Variants in MAP6 observed in about 807,000 individuals in gnomAD.
The protein encoded by MAP6 is microtubule associated protein 6.
In MAP6, 26 loss-of-function variants were observed where a neutral mutation model predicts 42.4. The observed-to-expected ratio is 0.61, with a 90% CI of 0.45 to 0.85. The LOEUF is 0.85. Among genes scored for constraint, MAP6 ranks in the 40% least tolerant of loss-of-function variants. The pLI is 0.00. For missense variants in MAP6, 966 were observed against 1,099.0 expected (o/e 0.88, Z 1.71); for synonymous variants, 418 against 443.8 (o/e 0.94, Z 0.73).
chr11:75,603,869 T>C, intron 3 of MAP6: 2 of 985,472 alleles, frequency 2.0e-6, no homozygotes, highest in Non-Finnish European at 2.4e-6. Context: ...GAAATCCAAA[T>C]TGTGGCTAGC....
At chr11:75,642,711 T>C in intron 1 of MAP6, 1 of 230,422 alleles carries the variant, frequency 4.3e-6, no homozygotes. Context: ...CTGTGGCAAA[T>C]GTTGCTACCC....
At chr11:75,613,578 T>A (rs1434924388) in intron 1 of MAP6, among the ~76,000 whole-genome samples, 3 of 152,266 alleles carry the variant, frequency 2.0e-5, no homozygotes, top group Admixed American at 1.3e-4. Context: ...TCTAACTGCA[T>A]CACCAAAGGC....
At chr11:75,658,872 A>T (rs1943795778) in intron 1 of MAP6, among the ~76,000 whole-genome samples, 1 of 152,122 alleles carries the variant, frequency 6.6e-6, no homozygotes, top group Non-Finnish European at 1.5e-5. Context: ...CTCTCTACTG[A>T]ATTTTCCCAA....
At chr11:75,595,557 T>C (rs1027150024) in intron 3 of MAP6, among the ~76,000 whole-genome samples, 1 of 152,174 alleles carries the variant, frequency 6.6e-6, no homozygotes, top group African/African-American at 2.4e-5. Flanking sequence ...CTGGAGTCTA[T>C]ACCTCCAATG....
intron 1 of MAP6, among the ~76,000 whole-genome samples, chr11:75,647,654 A>T (rs977425514): frequency 3.9e-5 from 6 of 152,212 alleles, no homozygotes; most frequent in African/African-American, 9.6e-5. Context: ...TTTGAAGAAT[A>T]TAAAAGAAGA....
intron 3 of MAP6, among the ~76,000 whole-genome samples, chr11:75,598,388 G>A (rs1942617205): frequency 1.3e-5 from 2 of 152,192 alleles, no homozygotes; most frequent in Non-Finnish European, 2.9e-5. Flanking sequence ...GCCCTGAACT[G>A]AGCAGGGAGT....
intron 3 of MAP6, among the ~76,000 whole-genome samples, chr11:75,591,704 C>G (rs1157953680): frequency 1.3e-5 from 2 of 152,224 alleles, no homozygotes; most frequent in South Asian, 2.1e-4. Context: ...CCAGCCTGTG[C>G]ACCCCGAAAG....
chr11:75,626,582 C>A (rs892818284), intron 1 of MAP6, among the ~76,000 whole-genome samples: 3 of 152,192 alleles, frequency 2.0e-5, no homozygotes, highest in Non-Finnish European at 4.4e-5. Context: ...CTTAGTGTCA[C>A]TTCTGCTAAT....
Position 75,667,973 on chromosome 11 carries a change from G to A in MAP6, c.397C>T (p.Pro133Ser). ...CTGCGCGGCCGGCAGCTGGGCTCGG[G>A]CCGCTGCACCTTCCAGGCTCGGTAA... ...QDYRAWKVQR[P>S]EPSCRPRSEY... Residue 133 changes from proline to serine, a missense_variant, in exon 1 of 4, where the codon CCC becomes TCC. By Grantham distance (74) the Pro-to-Ser change is moderately conservative. Around this residue, in one of 2 missense-constraint regions of MAP6, gnomAD observed 943 missense variants for 1,049.9 expected, o/e 0.90. Transcript: ENST00000304771. This position sits in a 1 kb window ranked among gnomAD's most constrained non-coding sequence, Gnocchi z 5.6. 1.5e-6 allele frequency: 2 copies of A among 1,302,886 alleles called. No homozygotes were observed. Among genetic ancestry groups the A allele is most frequent in the Non-Finnish European group, 2.0e-6 (2 of 1,021,356 alleles). The allele number at this position is 1,302,886 out of a possible 1,614,324, so 80.7% of individuals were successfully genotyped here. A position where few individuals can be genotyped will look rare whatever the true frequency, so the allele number is the denominator to read the frequency against.
chr11:75,610,051 C>G (rs1942863391), intron 1 of MAP6, among the ~76,000 whole-genome samples: 1 of 152,150 alleles, frequency 6.6e-6, no homozygotes, highest in Admixed American at 6.5e-5. Flanking sequence ...AGAGAGACCT[C>G]AACTAGCATA....
chr11:75,602,426 G>T (rs1166983154), intron 3 of MAP6, among the ~76,000 whole-genome samples: 1 of 152,124 alleles, frequency 6.6e-6, no homozygotes, highest in Non-Finnish European at 1.5e-5. Context: ...GCCCCCTATG[G>T]GTGGAACATC....
intron 1 of MAP6, among the ~76,000 whole-genome samples, chr11:75,648,040 T>A (rs906109603): frequency 7.2e-5 from 11 of 152,196 alleles, no homozygotes; most frequent in African/African-American, 2.7e-4. Flanking sequence ...GGAACTTTTT[T>A]AATCAAGGAA....
chr11:75,642,193 C>T (rs1943481990), intron 1 of MAP6, among the ~76,000 whole-genome samples: 1 of 152,222 alleles, frequency 6.6e-6, no homozygotes, highest in African/African-American at 2.4e-5. Context: ...CTCTTCCCAA[C>T]TCTGTGGTCT....
chr11:75,661,403 TA>T (rs1160091782), intron 1 of MAP6, among the ~76,000 whole-genome samples: 2 of 151,974 alleles, frequency 1.3e-5, no homozygotes, highest in Non-Finnish European at 2.9e-5. Flanking sequence ...AAGGAAAAAT[TA>T]TAGGCCAATC....
intron 3 of MAP6, among the ~76,000 whole-genome samples, chr11:75,593,567 T>G (rs757958165): frequency 1.3e-5 from 2 of 151,972 alleles, no homozygotes; most frequent in Non-Finnish European, 2.9e-5. Flanking sequence ...ATCCACGTGG[T>G]TTTTTTCTTC....
chr11:75,586,943 G>A lies in MAP6; in HGVS notation c.*116C>T, dbSNP rs1942361889. On this transcript the variant is annotated 3_prime_UTR_variant, in exon 4 of 4. Coordinates refer to ENST00000304771, the MANE Select transcript of MAP6 (RefSeq NM_033063.2). ...TGAGCCAGAGGGACCATTTTTATTA[G>A]ATTCCAGCAAGACTACTGTACATGT... 1 of 1,173,404 alleles carries A rather than the reference G, an allele frequency of 8.5e-7. No homozygotes were observed. Among genetic ancestry groups the A allele is most frequent in the African/African-American group, 1.5e-5 (1 of 64,804 alleles). The allele number at this position is 1,173,404 out of a possible 1,614,324, so 72.7% of individuals were successfully genotyped here.
intron 1 of MAP6, among the ~76,000 whole-genome samples, chr11:75,650,772 A>G (rs1943633862): frequency 6.6e-6 from 1 of 152,206 alleles, no homozygotes; most frequent in South Asian, 2.1e-4. Flanking sequence ...GAAATAGTAA[A>G]TGGAAAGGCT....
At chr11:75,603,667 G>T in intron 3 of MAP6, 1 of 985,246 alleles carries the variant, frequency 1.0e-6, no homozygotes, top group Non-Finnish European at 1.2e-6. Context: ...AACTTGACTT[G>T]GTCATAGGGA....
chr11:75,616,139 G>A (rs980245798), intron 1 of MAP6, among the ~76,000 whole-genome samples: 1 of 152,128 alleles, frequency 6.6e-6, no homozygotes, highest in Non-Finnish European at 1.5e-5. Flanking sequence ...GGTACAAATC[G>A]TTTCTTGATA....
Sources: allele counts gnomAD v4.1 joint callset (sites outside exome capture counted in the v4.1 genomes callset), GRCh38; gene constraint gnomAD v4.1.1; regional missense constraint gnomAD v4.1.1; non-coding constraint Gnocchi (gnomAD v3.1); transcripts MANE v1.5; gene names NCBI Gene and HGNC (gene_info 2026-07-23, HGNC 2026-07-21).